The following ANKH variants were observed in gnomAD, a reference collection of about 807,000 sequenced individuals.
The protein encoded by ANKH is ANKH inorganic pyrophosphate transport regulator.
Under a neutral mutation model 49.0 loss-of-function variants are expected in ANKH, and 15 were observed. That is an observed-to-expected ratio of 0.31 (90% CI 0.20 to 0.47). The LOEUF (loss-of-function observed/expected upper bound fraction) is 0.47. Among genes scored for constraint, ANKH ranks in the 20% least tolerant of loss-of-function variants. The pLI is 1.00. For missense variants in ANKH, 429 were observed against 652.0 expected (o/e 0.66, Z 3.72); for synonymous variants, 273 against 260.0 (o/e 1.05, Z -0.48).
chr5:14,711,344 T>C, intron 11 of ANKH, 34 bp from the exon 12 acceptor site: 3 of 1,581,222 alleles, frequency 1.9e-6, no homozygotes, highest in Non-Finnish European at 1.7e-6. Context: ...TGTGGGGCTG[T>C]GGATGGGGAC....
chr5:14,848,787 AG>A (rs1369572199), intron 1 of ANKH, among the ~76,000 whole-genome samples: 1 of 152,224 alleles, frequency 6.6e-6, no homozygotes, highest in Non-Finnish European at 1.5e-5. Context: ...GCATGGCCCA[AG>A]GTTCCGTTCC....
intron 1 of ANKH, chr5:14,798,387 T>C: frequency 1.9e-6 from 3 of 1,576,070 alleles, no homozygotes; most frequent in South Asian, 2.3e-5. Context: ...AAAGGCTGCT[T>C]CCTTGTCGGC....
intron 1 of ANKH, among the ~76,000 whole-genome samples, chr5:14,818,004 C>T (rs572961153): frequency 3.7e-5 from 5 of 136,592 alleles, no homozygotes; most frequent in Non-Finnish European, 4.5e-5. Context: ...GTGGAGATTG[C>T]AGTGAGCTGA....
intron 8 of ANKH, among the ~76,000 whole-genome samples, chr5:14,721,103 G>A (rs779501015): frequency 1.3e-5 from 2 of 152,228 alleles, no homozygotes; most frequent in Non-Finnish European, 2.9e-5. Context: ...ATTGACATCA[G>A]TATCAGCCAA....
At chr5:14,761,580 C>T (rs778071829) in intron 2 of ANKH, among the ~76,000 whole-genome samples, 1 of 152,154 alleles carries the variant, frequency 6.6e-6, no homozygotes, top group Non-Finnish European at 1.5e-5. Flanking sequence ...GCAGTCACAT[C>T]TCACTCCCAC....
At chr5:14,764,893 G>A (rs1365901468) in intron 2 of ANKH, among the ~76,000 whole-genome samples, 1 of 152,196 alleles carries the variant, frequency 6.6e-6, no homozygotes, top group Non-Finnish European at 1.5e-5. Flanking sequence ...AACATGGCAA[G>A]GGCCTTACAG....
intron 1 of ANKH, among the ~76,000 whole-genome samples, chr5:14,796,610 C>G (rs1740398179): frequency 1.3e-5 from 2 of 151,866 alleles, no homozygotes; most frequent in South Asian, 4.2e-4. Flanking sequence ...ACTGAAGAAA[C>G]CAAGAGGAAA....
intron 1 of ANKH, among the ~76,000 whole-genome samples, chr5:14,845,029 G>GAAA (rs35839744): frequency 1.8e-5 from 2 of 114,058 alleles, no homozygotes. Context: ...AAGCGTGCAA[G>GAAA]AAAAAAAAAA....
In ANKH at chr5:14,871,205, A is replaced by G. The variant is rs181091976; in HGVS notation, c.96+147T>C. On this transcript the variant is annotated intron_variant, in intron 1 of 11. Coordinates refer to ENST00000284268, the MANE Select transcript of ANKH (RefSeq NM_054027.6). ...AGGGAGGGAGGGAATGGGGTGCTGG[A>G]AAAGTCACCCTTGACAAGCTGCACA... 1.7e-4 allele frequency: 125 copies of G among 725,142 alleles called. No individual in the cohort carries two copies. The African/African-American group carries it at 1.8e-3, about 10-fold the overall frequency. The allele number at this position is 725,142 out of a possible 1,614,324, so 44.9% of individuals were successfully genotyped here. A position where few individuals can be genotyped will look rare whatever the true frequency, so the allele number is the denominator to read the frequency against.
chr5:14,804,068 GTAT>G (rs1740636438), intron 1 of ANKH, among the ~76,000 whole-genome samples: 1 of 152,032 alleles, frequency 6.6e-6, no homozygotes, highest in African/African-American at 2.4e-5. Flanking sequence ...GCTAATTTTT[GTAT>G]TGTTAGTAGA....
chr5:14,711,013 C>G lies in ANKH; in HGVS notation c.*184G>C. ...CAACAGTAAAGACCATTCACTAGGTCCCCCCGTCAGTGTGAGCATACCCAG... is the reference window on the plus strand; with the variant it reads ...CAACAGTAAAGACCATTCACTAGGTGCCCCCGTCAGTGTGAGCATACCCAG... On this transcript the variant is annotated 3_prime_UTR_variant, in exon 12 of 12. Transcript: ENST00000284268. 2 of 642,050 alleles carry G rather than the reference C, an allele frequency of 3.1e-6. No individual in the cohort carries two copies. Among genetic ancestry groups the G allele is most frequent in the South Asian group, 3.4e-5 (2 of 58,274 alleles). The allele number at this position is 642,050 out of a possible 1,614,324, so 39.8% of individuals were successfully genotyped here.
chr5:14,836,864 A>G (rs1320182929), intron 1 of ANKH, among the ~76,000 whole-genome samples: 1 of 152,232 alleles, frequency 6.6e-6, no homozygotes, highest in Non-Finnish European at 1.5e-5. Context: ...CCTGACTTCG[A>G]ACTATACTAC....
intron 1 of ANKH, among the ~76,000 whole-genome samples, chr5:14,825,583 G>A (rs1286896861): frequency 6.6e-6 from 1 of 152,090 alleles, no homozygotes; most frequent in Admixed American, 6.6e-5. Flanking sequence ...AAACTCCTGG[G>A]CTCAAGTGAT....
In ANKH at chr5:14,737,691, GTTC is replaced by G. The variant is rs1275353073; in HGVS notation, c.1011+4133_1011+4135del. Among the ~76,000 whole-genome samples the G allele has an allele frequency of 6.6e-6, 1 of 152,236 alleles. No homozygotes were observed. Among genetic ancestry groups the G allele is most frequent in the Non-Finnish European group, 1.5e-5 (1 of 68,048 alleles). ...ACGTGAAAGCAGACCCTCTGAAGCT[GTTC>G]TTCCAAATGGCTTTATGCCACATAT... On this transcript the variant is annotated intron_variant, in intron 8 of 11. Coordinates refer to ENST00000284268, the MANE Select transcript of ANKH (RefSeq NM_054027.6). The surrounding 1 kb of genome is among the most constrained non-coding windows in gnomAD (Gnocchi z 5.0).
At chr5:14,784,546 T>C (rs962004112) in intron 1 of ANKH, among the ~76,000 whole-genome samples, 6 of 152,226 alleles carry the variant, frequency 3.9e-5, no homozygotes, top group Admixed American at 3.3e-4. Context: ...AAGAAGTGGT[T>C]ATTTTAAAGT....
At chr5:14,750,202 G>T (rs967465457) in intron 5 of ANKH, among the ~76,000 whole-genome samples, 1 of 152,184 alleles carries the variant, frequency 6.6e-6, no homozygotes, top group Non-Finnish European at 1.5e-5. Context: ...ATGAATTCAG[G>T]GCTATAGATG....
intron 1 of ANKH, chr5:14,868,708 C>CT (rs75811476): frequency 0.022 from 3,164 of 140,944 alleles, 102 homozygotes; most frequent in African/African-American, 0.072. Context: ...AGCACCTGGC[C>CT]TTTTTTTTTT....
rs1736994789 is a variant in ANKH at position 14,707,679 on chromosome 5, G to A, written c.*3518C>T. 6.6e-6 allele frequency: 1 copy of A among 151,936 alleles called. No individual in the cohort carries two copies. 9.4% of individuals were successfully genotyped at this position (151,936 alleles called of 1,614,324 possible). ...CCTGCACCTCCCAAGGTTATTTATTGGGAAGACTCAGAGAGTGAAGTATAA... is the reference window on the plus strand; with the variant it reads ...CCTGCACCTCCCAAGGTTATTTATTAGGAAGACTCAGAGAGTGAAGTATAA... On this transcript the variant is annotated 3_prime_UTR_variant, in exon 12 of 12. Coordinates refer to ENST00000284268, the MANE Select transcript of ANKH (RefSeq NM_054027.6).
intron 2 of ANKH, among the ~76,000 whole-genome samples, chr5:14,763,224 C>A (rs1561044007): frequency 6.6e-6 from 1 of 152,198 alleles, no homozygotes; most frequent in Non-Finnish European, 1.5e-5. Context: ...TTCCCAAGTC[C>A]TCAATGTTTA....
Sources: gnomAD v4.1 joint callset for allele counts (sites outside exome capture counted in the v4.1 genomes callset) on GRCh38, gnomAD v4.1.1 for gene constraint, Gnocchi (gnomAD v3.1) non-coding constraint, MANE v1.5 for transcripts, NCBI Gene and HGNC (gene_info 2026-07-23, HGNC 2026-07-21) for gene names.